SAMTOR: variants seen among roughly 807,000 people sequenced by gnomAD.
The protein encoded by SAMTOR is UPF0532 protein C7orf60.
At chr7:112,890,293 A>G in the SAMTOR span, among the ~76,000 whole-genome samples, 1 of 152,134 alleles carries the variant, frequency 6.6e-6, no homozygotes, top group African/African-American at 2.4e-5. Context: ...CCTCTAACCT[A>G]TCATTGTTTG....
the SAMTOR span, among the ~76,000 whole-genome samples, chr7:112,833,694 A>C: frequency 6.6e-6 from 1 of 152,190 alleles, no homozygotes; most frequent in East Asian, 1.9e-4. Flanking sequence ...AGTATCCTAA[A>C]CCATTCAAGT....
At chr7:112,924,931 A>G in the SAMTOR span, among the ~76,000 whole-genome samples, 1 of 152,146 alleles carries the variant, frequency 6.6e-6, no homozygotes, top group African/African-American at 2.4e-5. Context: ...AAGTCCAAGG[A>G]AAAAGAAAAA....
the SAMTOR span, among the ~76,000 whole-genome samples, chr7:112,902,245 T>C: frequency 4.0e-5 from 6 of 150,734 alleles, no homozygotes; most frequent in African/African-American, 1.5e-4. Flanking sequence ...CTACTAAATA[T>C]ACAAAATTAG....
chr7:112,910,483 A>G, the SAMTOR span, among the ~76,000 whole-genome samples: 2 of 152,172 alleles, frequency 1.3e-5, no homozygotes, highest in East Asian at 1.9e-4. Context: ...TGGAAGTAAA[A>G]CTGTTTGTTG....
At chr7:112,886,044 G>A in the SAMTOR span, among the ~76,000 whole-genome samples, 1 of 152,148 alleles carries the variant, frequency 6.6e-6, no homozygotes, top group Non-Finnish European at 1.5e-5. Flanking sequence ...TGGCAGCAAG[G>A]AGAAGTGCTG....
At chr7:112,846,145 C>CTTTTTTTT in the SAMTOR span, among the ~76,000 whole-genome samples, 23,274 of 127,052 alleles carry the variant, frequency 0.18, 2,623 homozygotes, top group Middle Eastern at 0.34. Flanking sequence ...ATCTGTACAA[C>CTTTTTTTT]TTTTTTTTTT....
chr7:112,843,571 C>T, the SAMTOR span, among the ~76,000 whole-genome samples: 1 of 151,898 alleles, frequency 6.6e-6, no homozygotes, highest in Non-Finnish European at 1.5e-5. Flanking sequence ...GAACACATAT[C>T]CCCTTCCAAG....
chr7:112,863,637 T>C, the SAMTOR span, among the ~76,000 whole-genome samples: 1 of 152,216 alleles, frequency 6.6e-6, no homozygotes, highest in African/African-American at 2.4e-5. Context: ...AACACTTTTC[T>C]AAAGATGACA....
At chr7:112,838,731 G>C in the SAMTOR span, among the ~76,000 whole-genome samples, 2 of 151,656 alleles carry the variant, frequency 1.3e-5, no homozygotes, top group African/African-American at 4.8e-5. Flanking sequence ...ATCTTGATGG[G>C]TAATATTCTA....
the SAMTOR span, among the ~76,000 whole-genome samples, chr7:112,897,993 G>A: frequency 6.6e-6 from 1 of 152,186 alleles, no homozygotes; most frequent in Non-Finnish European, 1.5e-5. Flanking sequence ...TAATCTTTGT[G>A]CTTTGCAGAG....
the SAMTOR span, among the ~76,000 whole-genome samples, chr7:112,832,289 A>G: frequency 6.6e-6 from 1 of 152,138 alleles, no homozygotes; most frequent in South Asian, 2.1e-4. Flanking sequence ...TGTTGGGATT[A>G]CAGGAGTGAT....
the SAMTOR span, among the ~76,000 whole-genome samples, chr7:112,895,054 A>G: frequency 6.6e-6 from 1 of 152,138 alleles, no homozygotes; most frequent in Non-Finnish European, 1.5e-5. Context: ...CAATAAAACA[A>G]TGGTAATTGG....
the SAMTOR span, chr7:112,820,672 A>T: frequency 3.2e-4 from 49 of 152,088 alleles, no homozygotes; most frequent in African/African-American, 1.2e-3. Flanking sequence ...GAAAATTCCC[A>T]CAGCCAACTA....
the SAMTOR span, among the ~76,000 whole-genome samples, chr7:112,876,676 G>A: frequency 6.6e-6 from 1 of 152,132 alleles, no homozygotes; most frequent in Non-Finnish European, 1.5e-5. Flanking sequence ...TGGATGCAGA[G>A]ACCTCCTCTT....
the SAMTOR span, among the ~76,000 whole-genome samples, chr7:112,893,165 G>A: frequency 6.6e-6 from 1 of 152,140 alleles, no homozygotes; most frequent in Non-Finnish European, 1.5e-5. Flanking sequence ...TAACAAGAGA[G>A]GCTGCCTGTC....
chr7:112,911,296 CCTGTAATA>C, the SAMTOR span, among the ~76,000 whole-genome samples: 1 of 152,112 alleles, frequency 6.6e-6, no homozygotes, highest in Admixed American at 6.5e-5. Flanking sequence ...GAGAGTTGCA[CCTGTAATA>C]CTCACAGAAC....
At chr7:112,824,117 T>C in the SAMTOR span, among the ~76,000 whole-genome samples, 1 of 152,290 alleles carries the variant, frequency 6.6e-6, no homozygotes, top group South Asian at 2.1e-4. Context: ...TTTCTCAGTA[T>C]CATGTGGCTT....
At chr7:112,906,146 T>C in the SAMTOR span, among the ~76,000 whole-genome samples, 6 of 152,182 alleles carry the variant, frequency 3.9e-5, no homozygotes, top group African/African-American at 1.4e-4. Flanking sequence ...AAGAAGTGCA[T>C]CATTAAGGTG....
chr7:112,928,270 T>C, the SAMTOR span, among the ~76,000 whole-genome samples: 2 of 152,030 alleles, frequency 1.3e-5, no homozygotes, highest in African/African-American at 4.8e-5. Flanking sequence ...TTAGAGTTGA[T>C]ATTATTCTTT....
Sources: allele counts gnomAD v4.1 joint callset (sites outside exome capture counted in the v4.1 genomes callset), GRCh38; gene constraint gnomAD v4.1.1; transcripts MANE v1.5; gene names NCBI Gene and HGNC (gene_info 2026-07-23, HGNC 2026-07-21).